APBA2: variants seen among roughly 807,000 people sequenced by gnomAD.
APBA2 encodes amyloid beta precursor protein binding family A member 2, also known as amyloid-beta A4 precursor protein-binding family A member 2.
In APBA2, 30 loss-of-function variants were observed where a neutral mutation model predicts 75.0. The observed-to-expected ratio is 0.40, with a 90% confidence interval of 0.30 to 0.54. APBA2 has a LOEUF of 0.54. Among genes scored for constraint, APBA2 ranks in the 20% least tolerant of loss-of-function variants. APBA2 has a pLI of 0.49. For synonymous variants in APBA2, 444 were observed against 409.6 expected, an observed-to-expected ratio of 1.08 and a Z score of -1.01; for missense variants, 801 against 1,016.1, an observed-to-expected ratio of 0.79 and a Z score of 2.88.
At chr15:29,106,238 C>G (rs1232198572) in intron 11 of APBA2, among the ~76,000 whole-genome samples, 1 of 152,104 alleles carries the variant, frequency 6.6e-6, no homozygotes, top group East Asian at 1.9e-4. Context: ...ATTCCTCTGG[C>G]CTCTGTGGGT....
intron 1 of APBA2, chr15:28,919,283 G>C (rs968325689): frequency 1.3e-5 from 2 of 152,328 alleles, no homozygotes; most frequent in Admixed American, 6.5e-5. Context: ...ACGCCCTGCA[G>C]GGAGAGTCAT....
chr15:28,988,810 G>C (rs957113015), intron 2 of APBA2, among the ~76,000 whole-genome samples: 1 of 152,198 alleles, frequency 6.6e-6, no homozygotes, highest in African/African-American at 2.4e-5. Flanking sequence ...ATTTAGCAAG[G>C]ATTGGAATTG....
intron 11 of APBA2, 83 bp downstream of exon 11, chr15:29,105,641 G>A (rs1234614472): frequency 3.4e-6 from 5 of 1,480,054 alleles, no homozygotes; most frequent in Admixed American, 1.7e-5. Context: ...CCTTCCCGGG[G>A]TCCTCACGCA....
chr15:28,898,088 C>A (rs1316685394), intron 1 of APBA2, among the ~76,000 whole-genome samples: 1 of 152,092 alleles, frequency 6.6e-6, no homozygotes, highest in Non-Finnish European at 1.5e-5. Flanking sequence ...TGGACAGGGC[C>A]AGGTAAAGGA....
At chr15:28,924,544 G>A (rs913427387) in intron 2 of APBA2, among the ~76,000 whole-genome samples, 3 of 152,110 alleles carry the variant, frequency 2.0e-5, no homozygotes, top group African/African-American at 7.2e-5. Flanking sequence ...GGCTTCTTTG[G>A]CTTAGCATGA....
At chr15:28,952,953 C>G (rs775258229) in intron 2 of APBA2, among the ~76,000 whole-genome samples, 31 of 152,300 alleles carry the variant, frequency 2.0e-4, no homozygotes, top group Admixed American at 3.9e-4. Context: ...GAGCCCTAGT[C>G]CATGCTCTTT....
chr15:29,036,132 G>A (rs1018956529), intron 3 of APBA2, among the ~76,000 whole-genome samples: 4 of 152,092 alleles, frequency 2.6e-5, no homozygotes, highest in African/African-American at 9.7e-5. Context: ...GTCCTTGTAG[G>A]CAGAGCCCTC....
intron 1 of APBA2, among the ~76,000 whole-genome samples, chr15:28,898,280 C>T (rs1486388373): frequency 6.6e-6 from 1 of 152,204 alleles, no homozygotes; most frequent in African/African-American, 2.4e-5. Context: ...TCAAGAGACA[C>T]ACAAAAGTGT....
rs760299039 is a variant in APBA2, at chr15:28,960,760, C to CTT, written c.-94-34977_-94-34976dup. ...GAGGAACCAGGATGCACCCATCATT[C>CTT]TTTTTTTTTTTTTTTTTGAGACGGA... On this transcript the variant is annotated intron_variant, in intron 2 of 14. Coordinates refer to ENST00000683413, the MANE Select transcript of APBA2 (RefSeq NM_001353788.2). Among the ~76,000 whole-genome samples, 520 of 137,116 alleles carry CTT rather than the reference C, an allele frequency of 3.8e-3. 3 individuals carry two copies. Among genetic ancestry groups the CTT allele is most frequent in the African/African-American group, 7.0e-3 (262 of 37,484 alleles). The allele number at this position is 137,116 out of a possible 152,430, so 90.0% of individuals were successfully genotyped here. A position where few individuals can be genotyped will look rare whatever the true frequency, so the allele number is the denominator to read the frequency against.
intron 2 of APBA2, among the ~76,000 whole-genome samples, chr15:28,959,384 C>T (rs2036346209): frequency 6.6e-6 from 1 of 152,204 alleles, no homozygotes; most frequent in Admixed American, 6.5e-5. Flanking sequence ...GAGAGAGGGT[C>T]TTTGAAGAGG....
intron 3 of APBA2, among the ~76,000 whole-genome samples, chr15:29,010,241 T>C (rs2039332145): frequency 1.3e-5 from 2 of 152,154 alleles, no homozygotes; most frequent in African/African-American, 4.8e-5. Context: ...GCATTTTCTT[T>C]CTTAGTGCTT....
intron 1 of APBA2, among the ~76,000 whole-genome samples, chr15:28,912,454 G>A (rs978516864): frequency 1.8e-4 from 28 of 152,358 alleles, no homozygotes; most frequent in African/African-American, 6.3e-4. Context: ...ACCACATCCA[G>A]TCCCAGACAG....
intron 14 of APBA2, among the ~76,000 whole-genome samples, chr15:29,115,647 C>T (rs925129760): frequency 2.0e-5 from 3 of 152,166 alleles, no homozygotes; most frequent in African/African-American, 7.2e-5. Flanking sequence ...AGCTCTGAGC[C>T]CACGCGGAAC....
At chr15:28,986,870 A>G (rs1027227217) in intron 2 of APBA2, among the ~76,000 whole-genome samples, 11 of 152,212 alleles carry the variant, frequency 7.2e-5, no homozygotes, top group African/African-American at 2.4e-4. Flanking sequence ...TACAAACAAC[A>G]GACATTTATT....
chr15:29,108,589 G>C (rs2044564444), intron 13 of APBA2, 200 bp downstream of exon 13: 1 of 778,134 alleles, frequency 1.3e-6, no homozygotes, highest in South Asian at 1.8e-5. Context: ...GGGAGGGCCA[G>C]GGCATGGCCG....
At chr15:28,933,878 C>T (rs2152692002) in intron 2 of APBA2, among the ~76,000 whole-genome samples, 1 of 152,294 alleles carries the variant, frequency 6.6e-6, no homozygotes, top group African/African-American at 2.4e-5. Flanking sequence ...GGAGGGGCTG[C>T]CCACATGGGC....
intron 3 of APBA2, among the ~76,000 whole-genome samples, chr15:29,003,616 A>G (rs940902361): frequency 9.2e-5 from 14 of 152,166 alleles, no homozygotes; most frequent in African/African-American, 3.4e-4. Context: ...TGAGCCAGAG[A>G]AGCAGTAAGG....
intron 2 of APBA2, among the ~76,000 whole-genome samples, chr15:28,971,736 G>A (rs1057327658): frequency 6.6e-6 from 1 of 152,176 alleles, no homozygotes; most frequent in Non-Finnish European, 1.5e-5. Context: ...TAAAAAAACT[G>A]TACTTTAGAG....
intron 2 of APBA2, among the ~76,000 whole-genome samples, chr15:28,994,870 C>T (rs961183503): frequency 2.6e-5 from 4 of 152,180 alleles, no homozygotes; most frequent in African/African-American, 9.6e-5. Flanking sequence ...TGTCCAGCAG[C>T]GCAGCCATTC....
Sources: gnomAD v4.1 joint callset for allele counts (sites outside exome capture counted in the v4.1 genomes callset) on GRCh38, gnomAD v4.1.1 for gene constraint, MANE v1.5 for transcripts, NCBI Gene and HGNC (gene_info 2026-07-23, HGNC 2026-07-21) for gene names.